EXOC4: variants seen among roughly 807,000 people sequenced by gnomAD.
The protein encoded by EXOC4 is SEC8-like 1.
A neutral mutation model predicts 107.2 loss-of-function variants in EXOC4; 71 were observed. The ratio of observed to expected loss-of-function variants is 0.66; its 90% CI spans 0.55 to 0.81. The LOEUF is 0.81. EXOC4 is among the 30% of genes least tolerant of loss of function. The probability of loss-of-function intolerance (pLI) is 0.00; values close to 1 mark genes in which losing one functional copy is unlikely to be tolerated. For synonymous variants in EXOC4, 456 were observed against 441.2 expected (o/e 1.03, Z -0.42); for missense variants, 1,108 against 1,189.6 (o/e 0.93, Z 1.01).
At chr7:133,375,932 A>G (rs1796480588) in intron 7 of EXOC4, among the ~76,000 whole-genome samples, 1 of 152,236 alleles carries the variant, frequency 6.6e-6, no homozygotes, top group Admixed American at 6.5e-5. Flanking sequence ...GAGTTAGCTG[A>G]AGCAAGCTTT....
rs1016451870 is a variant in EXOC4, at chr7:133,749,229, G to A, written c.1515-68096G>A. Among the ~76,000 whole-genome samples, 3 of 152,136 alleles carry A rather than the reference G, an allele frequency of 2.0e-5. No individual in the cohort carries two copies. The East Asian group carries it at 5.8e-4, about 29-fold the overall frequency. The stretch of plus-strand genomic sequence containing the variant: ...TTGAGAATCACTGCCCTCTGTGATA[G>A]GCTTTTCACTGGAGCCTGAAGGGAT... On this transcript the variant is annotated intron_variant, in intron 10 of 17. Transcript: ENST00000253861.
chr7:133,554,172 C>A (rs773272641), intron 9 of EXOC4, among the ~76,000 whole-genome samples: 55 of 152,080 alleles, frequency 3.6e-4, no homozygotes, highest in Non-Finnish European at 6.2e-4. Context: ...ACTTTACAGC[C>A]CAGGCCTATT....
intron 17 of EXOC4, among the ~76,000 whole-genome samples, chr7:134,053,971 A>C (rs1310510471): frequency 2.6e-5 from 4 of 152,044 alleles, no homozygotes; most frequent in Non-Finnish European, 4.4e-5. Flanking sequence ...TCTAAGATGG[A>C]GTCTTGGTCT....
At chr7:133,776,893 T>G (rs1427693753) in intron 10 of EXOC4, among the ~76,000 whole-genome samples, 8 of 152,142 alleles carry the variant, frequency 5.3e-5, no homozygotes, top group Admixed American at 5.2e-4. Flanking sequence ...CTAAGAATAC[T>G]TATCTGTAAT....
At chr7:133,485,339 A>T (rs1293094467) in intron 9 of EXOC4, among the ~76,000 whole-genome samples, 1 of 151,620 alleles carries the variant, frequency 6.6e-6, no homozygotes, top group Non-Finnish European at 1.5e-5. Context: ...TTCTTTTCTT[A>T]TCCTCATGTT....
intron 14 of EXOC4, among the ~76,000 whole-genome samples, chr7:133,962,760 C>T (rs886823267): frequency 6.6e-6 from 1 of 152,162 alleles, no homozygotes; most frequent in African/African-American, 2.4e-5. Context: ...AAGCCATTTA[C>T]GCTTCATAGG....
chr7:133,772,106 C>T (rs919215997), intron 10 of EXOC4, among the ~76,000 whole-genome samples: 3 of 151,936 alleles, frequency 2.0e-5, no homozygotes, highest in African/African-American at 4.8e-5. Context: ...CTTCCCGTAA[C>T]TGAAATCGGT....
At chr7:133,280,599 T>A (rs1296477660) in intron 2 of EXOC4, among the ~76,000 whole-genome samples, 1 of 152,186 alleles carries the variant, frequency 6.6e-6, no homozygotes, top group East Asian at 1.9e-4. Context: ...ACCACCCTAT[T>A]GGTGCTAGAT....
intron 9 of EXOC4, among the ~76,000 whole-genome samples, chr7:133,484,924 A>G (rs777616151): frequency 3.3e-5 from 5 of 151,764 alleles, no homozygotes; most frequent in Non-Finnish European, 7.4e-5. Context: ...TACTAAAAAT[A>G]CAAAAATTAG....
chr7:133,556,592 A>C (rs1800695279), intron 9 of EXOC4, among the ~76,000 whole-genome samples: 1 of 152,148 alleles, frequency 6.6e-6, no homozygotes, highest in South Asian at 2.1e-4. Flanking sequence ...CGCGGTAAGG[A>C]TGGGATCTAG....
intron 9 of EXOC4, among the ~76,000 whole-genome samples, chr7:133,574,512 AT>A (rs1422117269): frequency 6.6e-6 from 1 of 152,214 alleles, no homozygotes; most frequent in Non-Finnish European, 1.5e-5. Flanking sequence ...AAATTGTTAT[AT>A]TTCTCTAAAG....
intron 10 of EXOC4, among the ~76,000 whole-genome samples, chr7:133,738,067 A>G (rs573435700): frequency 6.6e-6 from 1 of 151,866 alleles, no homozygotes; most frequent in African/African-American, 2.4e-5. Context: ...GCACCCCATC[A>G]TGCCAGGCTA....
chr7:133,542,352 G>A (rs1212488708), intron 9 of EXOC4, among the ~76,000 whole-genome samples: 2 of 152,110 alleles, frequency 1.3e-5, no homozygotes, highest in Admixed American at 6.6e-5. Flanking sequence ...CAAGGCCTGT[G>A]TGTCTCTAGA....
intron 10 of EXOC4, among the ~76,000 whole-genome samples, chr7:133,724,775 A>T (rs1404398237): frequency 6.6e-6 from 1 of 152,222 alleles, no homozygotes; most frequent in Non-Finnish European, 1.5e-5. Context: ...TTGGAGACAG[A>T]TGTTCTAGCA....
intron 9 of EXOC4, among the ~76,000 whole-genome samples, chr7:133,591,564 G>GTA (rs1199828854): frequency 1.6e-4 from 2 of 12,238 alleles, no homozygotes; most frequent in Admixed American, 1.4e-3. Context: ...GTGTGTGTGT[G>GTA]TGTGCGTGTG....
At chr7:133,904,621 G>A (rs571620321) in intron 12 of EXOC4, among the ~76,000 whole-genome samples, 13 of 152,296 alleles carry the variant, frequency 8.5e-5, no homozygotes. Context: ...GATTATCTGG[G>A]AGGGATCTAC....
intron 17 of EXOC4, among the ~76,000 whole-genome samples, chr7:134,017,828 C>A (rs1029099856): frequency 3.3e-5 from 5 of 152,116 alleles, no homozygotes; most frequent in Admixed American, 3.3e-4. Context: ...AGTAAGATTT[C>A]TTTTGATTAT....
At chr7:134,091,580 A>G in the EXOC4 span, among the ~76,000 whole-genome samples, 3 of 152,192 alleles carry the variant, frequency 2.0e-5, no homozygotes, top group Admixed American at 6.5e-5. Flanking sequence ...TCTCAGCCTC[A>G]TTTTACGCAG....
In EXOC4 at chr7:133,884,581, CTGTGTGTGTGTG is replaced by C. The variant is rs34350149; in HGVS notation, c.1735-10989_1735-10978del. ...CTCTCAGGTGTGCTTGCCCTATGCT[CTGTGTGTGTGTG>C]TGTGTGTGTGTGTGTGTGTGTGTGT... On this transcript the variant is annotated intron_variant, in intron 11 of 17. Coordinates refer to ENST00000253861, the MANE Select transcript of EXOC4 (RefSeq NM_021807.4). Among the ~76,000 whole-genome samples the C allele has an allele frequency of 1.3e-3, 190 of 143,726 alleles. 2 individuals carry two copies. Among genetic ancestry groups the C allele is most frequent in the South Asian group, 4.9e-3 (21 of 4,294 alleles). The allele number at this position is 143,726 out of a possible 152,430, so 94.3% of individuals were successfully genotyped here. A position where few individuals can be genotyped will look rare whatever the true frequency, so the allele number is the denominator to read the frequency against.
Sources: gnomAD v4.1 joint callset for allele counts (sites outside exome capture counted in the v4.1 genomes callset) on GRCh38, gnomAD v4.1.1 for gene constraint, MANE v1.5 for transcripts, NCBI Gene and HGNC (gene_info 2026-07-23, HGNC 2026-07-21) for gene names.